Variants in COL25A1 observed in about 807,000 individuals in gnomAD.
COL25A1 encodes the protein collagen alpha-1(XXV) chain.
COL25A1 carries 103 observed loss-of-function variants against 128.4 expected under a neutral mutation model. That is an observed-to-expected ratio of 0.80 (90% CI 0.68 to 0.94). The LOEUF (loss-of-function observed/expected upper bound fraction) is 0.94, where lower values mean the gene tolerates loss of function less well. Ranked by LOEUF, COL25A1 falls within the 40% of genes least tolerant of loss-of-function variation. The probability of loss-of-function intolerance (pLI) is 0.00; values close to 1 mark genes in which losing one functional copy is unlikely to be tolerated. For synonymous variants in COL25A1, 279 were observed against 277.2 expected (o/e 1.01, Z -0.06); for missense variants, 745 against 840.0 (o/e 0.89, Z 1.40).
intron 6 of COL25A1, among the ~76,000 whole-genome samples, chr4:108,987,382 C>CT (rs36004961): frequency 0.01 from 1,441 of 141,794 alleles, 7 homozygotes; most frequent in Middle Eastern, 0.021. Context: ...TTTTCTTTTT[C>CT]TTTTTTTTTT....
chr4:109,011,322 C>G (rs1374967882), intron 5 of COL25A1, among the ~76,000 whole-genome samples: 11 of 152,210 alleles, frequency 7.2e-5, no homozygotes, highest in African/African-American at 2.7e-4. Flanking sequence ...GGAACTGTCT[C>G]TCTTAGCCTC....
chr4:109,226,246 G>A (rs115826428), intron 3 of COL25A1, among the ~76,000 whole-genome samples: 3 of 152,054 alleles, frequency 2.0e-5, no homozygotes, highest in Admixed American at 6.6e-5. Context: ...TAGGAGGGGG[G>A]TGAGACATGA....
At chr4:108,953,405 A>G (rs1055659431) in intron 8 of COL25A1, among the ~76,000 whole-genome samples, 3 of 152,208 alleles carry the variant, frequency 2.0e-5, no homozygotes, top group Non-Finnish European at 2.9e-5. Flanking sequence ...CATGTTTCCC[A>G]AAGAGGCTAA....
chr4:109,215,349 C>T (rs948440208), intron 3 of COL25A1, among the ~76,000 whole-genome samples: 7 of 152,148 alleles, frequency 4.6e-5, no homozygotes, highest in African/African-American at 1.4e-4. Flanking sequence ...TGACTCACAT[C>T]TGGGCTATGT....
intron 3 of COL25A1, among the ~76,000 whole-genome samples, chr4:109,272,895 T>G (rs1369702845): frequency 6.6e-6 from 1 of 152,084 alleles, no homozygotes; most frequent in Non-Finnish European, 1.5e-5. Context: ...AGTGAAGGCC[T>G]CCATGGCTGG....
At chr4:108,962,398 C>T (rs936892834) in intron 8 of COL25A1, among the ~76,000 whole-genome samples, 4 of 152,102 alleles carry the variant, frequency 2.6e-5, no homozygotes, top group Non-Finnish European at 5.9e-5. Flanking sequence ...CTAGGATGGT[C>T]TTGATCTCCT....
chr4:109,001,372 C>CAGGCATCTGAGAGCCTGTCAGGT (rs1755349826), intron 6 of COL25A1, among the ~76,000 whole-genome samples: 1 of 24,144 alleles, frequency 4.1e-5, no homozygotes, highest in Non-Finnish European at 1.3e-4. Flanking sequence ...TTAAAAGAAA[C>CAGGCATCTGAGAGCCTGTCAGGT]AGGCATCTGA....
intron 8 of COL25A1, among the ~76,000 whole-genome samples, chr4:108,954,944 TC>T: frequency 6.6e-6 from 1 of 150,848 alleles, no homozygotes; most frequent in East Asian, 1.9e-4. Context: ...ATGTTATAAA[TC>T]TTTTTTTTTT....
At chr4:108,853,039 TA>T in intron 24 of COL25A1, 114 bp from the exon 25 acceptor site, 2 of 855,478 alleles carry the variant, frequency 2.3e-6, no homozygotes, top group Non-Finnish European at 3.8e-6. Context: ...TCTGATATCT[TA>T]AAAGGATTTG....
At chr4:109,291,256 G>A (rs963110959) in intron 3 of COL25A1, among the ~76,000 whole-genome samples, 15 of 152,076 alleles carry the variant, frequency 9.9e-5, no homozygotes, top group African/African-American at 2.7e-4. Flanking sequence ...ACTTATTACA[G>A]TACGATTGCA....
intron 14 of COL25A1, among the ~76,000 whole-genome samples, chr4:108,899,937 T>C (rs970739204): frequency 1.1e-4 from 17 of 151,964 alleles, no homozygotes; most frequent in African/African-American, 4.1e-4. Flanking sequence ...AGAGTAGGAG[T>C]CCTAAAGTAA....
intron 3 of COL25A1, among the ~76,000 whole-genome samples, chr4:109,136,620 G>T (rs1274546408): frequency 3.3e-5 from 5 of 152,212 alleles, no homozygotes; most frequent in African/African-American, 1.2e-4. Flanking sequence ...AACTGAAAAG[G>T]TTGATTTGCC....
chr4:109,196,717 G>A (rs979885753), intron 3 of COL25A1, among the ~76,000 whole-genome samples: 1 of 152,138 alleles, frequency 6.6e-6, no homozygotes, highest in South Asian at 2.1e-4. Flanking sequence ...TCATACATAT[G>A]TTACACTCCC....
chr4:108,841,824 T>C (rs1468163194), intron 30 of COL25A1, 103 bp from the exon 31 acceptor site: 1 of 962,896 alleles, frequency 1.0e-6, no homozygotes, highest in East Asian at 2.5e-5. Context: ...ACAAGCATCT[T>C]CTTGTTTGAG....
chr4:108,837,454 A>T (rs13139544), intron 31 of COL25A1, among the ~76,000 whole-genome samples: 3,794 of 152,310 alleles, frequency 0.025, 66 homozygotes, highest in Middle Eastern at 0.079. Context: ...AAGAAGGCTG[A>T]CATAAAGAAA....
intron 31 of COL25A1, among the ~76,000 whole-genome samples, chr4:108,838,532 C>A (rs145261137): frequency 1.2e-3 from 182 of 151,412 alleles, no homozygotes; most frequent in African/African-American, 4.2e-3. Flanking sequence ...GAAGAAGATT[C>A]GGTAGAAAAA....
At chr4:109,058,026 A>G (rs1165497098) in intron 3 of COL25A1, among the ~76,000 whole-genome samples, 1 of 152,186 alleles carries the variant, frequency 6.6e-6, no homozygotes, top group Non-Finnish European at 1.5e-5. Flanking sequence ...GTTTCCAGAA[A>G]TGGAATTCCA....
intron 20 of COL25A1, among the ~76,000 whole-genome samples, chr4:108,868,417 G>T (rs1738203223): frequency 6.6e-6 from 1 of 151,472 alleles, no homozygotes; most frequent in Non-Finnish European, 1.5e-5. Context: ...TTACCAAGTT[G>T]TCCCACATTT....
intron 3 of COL25A1, among the ~76,000 whole-genome samples, chr4:109,170,945 C>T (rs186986584): frequency 1.2e-4 from 19 of 152,252 alleles, no homozygotes; most frequent in Admixed American, 1.1e-3. Context: ...CTATCAACTG[C>T]AAATGTGTAG....
Sources: gnomAD v4.1 joint callset for allele counts (sites outside exome capture counted in the v4.1 genomes callset) on GRCh38, gnomAD v4.1.1 for gene constraint, MANE v1.5 for transcripts, NCBI Gene and HGNC (gene_info 2026-07-23, HGNC 2026-07-21) for gene names.